Variants in L3MBTL3 observed in about 807,000 individuals in gnomAD.
The protein encoded by L3MBTL3 is lethal(3)malignant brain tumor-like protein 3.
A neutral mutation model predicts 102.3 loss-of-function variants in L3MBTL3; 27 were observed. That is an observed-to-expected ratio of 0.26 (90% confidence interval 0.19 to 0.36). The LOEUF (loss-of-function observed/expected upper bound fraction) is 0.36. Ranked by LOEUF, L3MBTL3 falls within the 10% of genes least tolerant of loss-of-function variation. The pLI is 1.00. For synonymous variants in L3MBTL3, 340 were observed against 320.9 expected (o/e 1.06, Z -0.64); for missense variants, 798 against 955.3 (o/e 0.84, Z 2.17).
intron 14 of L3MBTL3, among the ~76,000 whole-genome samples, chr6:130,083,349 A>G (rs1441409965): frequency 3.3e-5 from 5 of 151,986 alleles, no homozygotes. Flanking sequence ...GCTAAAGGGT[A>G]TTTGTGTGTC....
At chr6:130,109,692 C>T (rs1785231269) in intron 19 of L3MBTL3, among the ~76,000 whole-genome samples, 1 of 152,166 alleles carries the variant, frequency 6.6e-6, no homozygotes, top group Non-Finnish European at 1.5e-5. Flanking sequence ...TTTTGCTGTG[C>T]AGAAGCTCTT....
intron 16 of L3MBTL3, among the ~76,000 whole-genome samples, chr6:130,092,535 T>G (rs1784121089): frequency 6.6e-6 from 1 of 152,324 alleles, no homozygotes; most frequent in Non-Finnish European, 1.5e-5. Flanking sequence ...GGCAGGGCCT[T>G]TATGTCTGGT....
chr6:130,085,252 GC>G (rs1341848725), intron 15 of L3MBTL3, among the ~76,000 whole-genome samples: 1 of 152,154 alleles, frequency 6.6e-6, no homozygotes, highest in Non-Finnish European at 1.5e-5. Context: ...TTTTTCAGAG[GC>G]TTATAAGTTT....
chr6:130,090,833 C>G (rs1783995513), intron 16 of L3MBTL3, among the ~76,000 whole-genome samples: 1 of 152,068 alleles, frequency 6.6e-6, no homozygotes, highest in Non-Finnish European at 1.5e-5. Flanking sequence ...GTGATCCTCC[C>G]TCCTTGGCCT....
intron 19 of L3MBTL3, among the ~76,000 whole-genome samples, chr6:130,119,703 C>T (rs1785995882): frequency 6.6e-6 from 1 of 152,016 alleles, no homozygotes; most frequent in Non-Finnish European, 1.5e-5. Flanking sequence ...TGAACTAAGC[C>T]GGGGAGTTCA....
intron 2 of L3MBTL3, among the ~76,000 whole-genome samples, chr6:130,041,167 C>T (rs1227730438): frequency 6.6e-6 from 1 of 152,196 alleles, no homozygotes; most frequent in Admixed American, 6.5e-5. Context: ...TCTGGATTTT[C>T]TTCCTTATAT....
chr6:130,066,555 A>G (rs181886507), intron 11 of L3MBTL3, 67 bp downstream of exon 11: 12 of 1,356,134 alleles, frequency 8.8e-6, no homozygotes, highest in Admixed American at 2.1e-5. Context: ...GCTACATTAG[A>G]ATTGTTAAGA....
intron 3 of L3MBTL3, among the ~76,000 whole-genome samples, chr6:130,043,647 G>C (rs1020957112): frequency 2.0e-5 from 3 of 152,064 alleles, no homozygotes; most frequent in African/African-American, 7.2e-5. Flanking sequence ...GCCATTGCTG[G>C]GCTTACCTCT....
intron 14 of L3MBTL3, among the ~76,000 whole-genome samples, chr6:130,082,151 G>C (rs1204851317): frequency 6.6e-6 from 1 of 152,098 alleles, no homozygotes; most frequent in African/African-American, 2.4e-5. Context: ...GATGGTGTTT[G>C]CTAGGTTTGT....
intron 5 of L3MBTL3, 54 bp downstream of exon 5, chr6:130,049,884 C>A: frequency 6.4e-7 from 1 of 1,559,388 alleles, no homozygotes; most frequent in Non-Finnish European, 8.7e-7. Flanking sequence ...TTCTTTCTCC[C>A]CTCCCCACAA....
chr6:130,031,922 T>C (rs959708383), intron 2 of L3MBTL3, among the ~76,000 whole-genome samples: 1 of 151,932 alleles, frequency 6.6e-6, no homozygotes, highest in African/African-American at 2.4e-5. Flanking sequence ...TCTACTTTTC[T>C]TTTTTTTGAG....
chr6:130,096,005 C>T (rs1432968592), intron 18 of L3MBTL3, among the ~76,000 whole-genome samples: 1 of 152,166 alleles, frequency 6.6e-6, no homozygotes, highest in Non-Finnish European at 1.5e-5. Flanking sequence ...ATTTTTTCAA[C>T]AAGAACTAAT....
intron 19 of L3MBTL3, 68 bp downstream of exon 19, chr6:130,104,643 G>C (rs1417890492): frequency 4.3e-6 from 5 of 1,174,234 alleles, no homozygotes; most frequent in Admixed American, 3.0e-5. Context: ...TTATCTTTTA[G>C]ATATTTTATT....
intron 3 of L3MBTL3, among the ~76,000 whole-genome samples, chr6:130,047,199 A>G (rs1780779870): frequency 6.6e-6 from 1 of 152,070 alleles, no homozygotes. Context: ...CATATATTTT[A>G]TGGGATTAAT....
chr6:130,121,229 C>T (rs1205370591), intron 20 of L3MBTL3, among the ~76,000 whole-genome samples: 1 of 152,152 alleles, frequency 6.6e-6, no homozygotes, highest in Non-Finnish European at 1.5e-5. Flanking sequence ...CTCCTCCTGG[C>T]CTCCCCTGGC....
chr6:130,052,805 G>A, intron 6 of L3MBTL3, 54 bp from the exon 7 acceptor site: 1 of 1,544,198 alleles, frequency 6.5e-7, no homozygotes, highest in Non-Finnish European at 8.7e-7. Context: ...TCAACAAGTA[G>A]ATGTTTGATA....
chr6:130,130,307 T>G (rs1786917881), intron 20 of L3MBTL3, among the ~76,000 whole-genome samples: 1 of 152,186 alleles, frequency 6.6e-6, no homozygotes, highest in South Asian at 2.1e-4. Flanking sequence ...AGTGATAGAA[T>G]GAACAGTGCT....
intron 1 of L3MBTL3, among the ~76,000 whole-genome samples, 188 bp downstream of exon 1, chr6:130,018,852 G>T (rs938713622): frequency 6.6e-6 from 1 of 152,108 alleles, no homozygotes; most frequent in Non-Finnish European, 1.5e-5. Context: ...CCACTTCTCT[G>T]CGCCTCTGGG....
intron 14 of L3MBTL3, 48 bp downstream of exon 14, chr6:130,078,682 T>A: frequency 7.8e-7 from 1 of 1,278,702 alleles, no homozygotes; most frequent in Non-Finnish European, 1.1e-6. Context: ...ACTTCAAGAG[T>A]AGGCAGACTT....
Sources: allele counts gnomAD v4.1 joint callset (sites outside exome capture counted in the v4.1 genomes callset), GRCh38; gene constraint gnomAD v4.1.1; transcripts MANE v1.5; gene names NCBI Gene and HGNC (gene_info 2026-07-23, HGNC 2026-07-21).